Variants in SGSM1 observed in about 807,000 individuals in gnomAD.
The protein encoded by SGSM1 is small G protein signaling modulator 1.
SGSM1 carries 73 observed loss-of-function variants against 133.8 expected under a neutral mutation model. The observed-to-expected ratio is 0.55, with a 90% CI of 0.45 to 0.66. The LOEUF is 0.66. Ranked by LOEUF, SGSM1 falls within the 30% of genes least tolerant of loss-of-function variation. SGSM1 has a pLI of 0.00. For synonymous variants in SGSM1, 563 were observed against 573.0 expected (o/e 0.98, Z 0.25); for missense variants, 1,213 against 1,448.1 (o/e 0.84, Z 2.64).
chr22:24,895,238 A>C lies in SGSM1; in HGVS notation c.1969A>C (p.Ser657Arg). Residue 657 changes from serine (S) to arginine (R), a missense_variant, in exon 18 of 25, where the codon AGT (serine) becomes CGT (arginine). Ser to Arg is a moderately radical substitution (Grantham distance 110, BLOSUM62 -1). Transcript: ENST00000400358. ...TISNESSQSC[S>R]SGRQNIRLHS... is the part of the protein sequence containing the mutation. ...CTTTTCTCAGTCCTCCCAGAGCTGC[A>C]GTTCGGGCCGCCAGAACATCCGCCT... 2.5e-6 allele frequency: 4 copies of C among 1,611,328 alleles called. No homozygotes were observed. Among genetic ancestry groups the C allele is most frequent in the Non-Finnish European group, 3.4e-6 (4 of 1,179,016 alleles).
rs375379217 is a variant in SGSM1 at position 24,917,645 on chromosome 22, C to T, written c.2929-13C>T. On this transcript the variant is annotated splice_polypyrimidine_tract_variant and intron_variant, in intron 22 of 24. Coordinates refer to ENST00000400358, the MANE Select transcript of SGSM1 (RefSeq NM_001098497.3). ...TTCCCAGGAGGCTGATGCTGCCTTT[C>T]CTTCCTTGACAGATCCTGGACTCAG... 160 of 1,608,914 alleles carry T rather than the reference C, an allele frequency of 9.9e-5. No individual in the cohort carries two copies. In the African/African-American group the frequency reaches 2.1e-3, roughly 21 times the overall value.
chr22:24,896,615 T>G (rs1000632056), intron 18 of SGSM1, among the ~76,000 whole-genome samples: 11 of 147,546 alleles, frequency 7.5e-5, no homozygotes, highest in African/African-American at 3.0e-4. Flanking sequence ...TTTTTTTATT[T>G]TTTGTTTTTT....
At chr22:24,922,125 A>T (rs1183056711) in intron 24 of SGSM1, among the ~76,000 whole-genome samples, 1 of 151,262 alleles carries the variant, frequency 6.6e-6, no homozygotes, top group Non-Finnish European at 1.5e-5. Context: ...ATCAGATTGG[A>T]CACCACCTCT....
At chr22:24,923,458 T>G (rs9624665) in intron 24 of SGSM1, among the ~76,000 whole-genome samples, 20,286 of 152,150 alleles carry the variant, frequency 0.13, 1,811 homozygotes, top group South Asian at 0.19. Context: ...GATAAAATTA[T>G]TTTTTTCTTT....
chr22:24,905,205 GC>G lies in SGSM1; in HGVS notation c.2818+21del, dbSNP rs781033205. 4.3e-6 allele frequency: 7 copies of G among 1,610,888 alleles called. No individual in the cohort carries two copies. The South Asian group carries it at 7.7e-5, about 18-fold the overall frequency. On this transcript the variant is annotated intron_variant, in intron 21 of 24. Coordinates refer to ENST00000400358, the MANE Select transcript of SGSM1 (RefSeq NM_001098497.3). ...GGATGATGGTGAGTGTGTCTTTACT[GC>G]CCTAGGGCTGAGGGTGCATTTCCTT...
intron 9 of SGSM1, among the ~76,000 whole-genome samples, chr22:24,864,477 G>T (rs1222348950): frequency 6.6e-6 from 1 of 152,162 alleles, no homozygotes; most frequent in Non-Finnish European, 1.5e-5. Flanking sequence ...CCATGCAACA[G>T]AATATTACTT....
chr22:24,855,582 G>A lies in SGSM1; in HGVS notation c.703G>A (p.Asp235Asn). The change falls in exon 8 of 25, where the codon GAC becomes AAC. Residue 235 changes from aspartate (D) to asparagine (N), a missense_variant. Coordinates refer to ENST00000400358, the MANE Select transcript of SGSM1 (RefSeq NM_001098497.3). Reference protein sequence around the residue: ...QKRHSSGSMDDRPSLSARDYV... With the variant: ...QKRHSSGSMDNRPSLSARDYV... ...GAGGCATTCCAGTGGCAGCATGGAT[G>A]ACCGGCCATCCCTCTCTGCCCGCGA... 6.2e-7 allele frequency: 1 copy of A among 1,613,900 alleles called. No individual in the cohort carries two copies. Among genetic ancestry groups the A allele is most frequent in the Non-Finnish European group, 8.5e-7 (1 of 1,179,866 alleles).
At chr22:24,900,181 T>G (rs1319185342) in intron 19 of SGSM1, among the ~76,000 whole-genome samples, 1 of 151,906 alleles carries the variant, frequency 6.6e-6, no homozygotes, top group South Asian at 2.1e-4. Flanking sequence ...CCACCATGCC[T>G]GGCTAATTTT....
At chr22:24,839,713 TTG>T (rs1929674488) in intron 2 of SGSM1, among the ~76,000 whole-genome samples, 1 of 152,200 alleles carries the variant, frequency 6.6e-6, no homozygotes, top group African/African-American at 2.4e-5. Context: ...AGTTTGTATA[TTG>T]TGTGTTTCTA....
intron 5 of SGSM1, among the ~76,000 whole-genome samples, chr22:24,851,366 A>G (rs1930456939): frequency 6.9e-6 from 1 of 145,492 alleles, no homozygotes; most frequent in Non-Finnish European, 1.5e-5. Flanking sequence ...GGAGCCATGG[A>G]AGAATTTATC....
chr22:24,876,687 A>G lies in SGSM1; in HGVS notation c.1402A>G (p.Ser468Gly), dbSNP rs770099281. 2.5e-6 allele frequency: 4 copies of G among 1,613,894 alleles called. No homozygotes were observed. Among genetic ancestry groups the G allele is most frequent in the Admixed American group, 3.3e-5 (2 of 59,994 alleles). The change falls in exon 13 of 25, where the codon AGC becomes GGC. Residue 468 changes from serine to glycine, a missense_variant. Physicochemically the swap from Ser to Gly is moderately conservative, Grantham distance 56. Transcript: ENST00000400358. Reference protein sequence around the residue: ...SCSQSGSADGSSTNGCNHERA... With the variant: ...SCSQSGSADGGSTNGCNHERA... Reference sequence around the variant, plus strand: ...TTCACAGAGTGGCTCGGCTGATGGTAGCTCGACCAATGGCTGCAACCATGA... The same window carrying G: ...TTCACAGAGTGGCTCGGCTGATGGTGGCTCGACCAATGGCTGCAACCATGA...
At chr22:24,893,961 C>T (rs1601964306) in intron 17 of SGSM1, among the ~76,000 whole-genome samples, 2 of 152,318 alleles carry the variant, frequency 1.3e-5, no homozygotes, top group Non-Finnish European at 2.9e-5. Context: ...ATTGATTCAA[C>T]AAATGCTTAT....
chr22:24,860,100 GGGAGAC>G (rs1476830700), intron 9 of SGSM1, among the ~76,000 whole-genome samples: 1 of 152,138 alleles, frequency 6.6e-6, no homozygotes, highest in African/African-American at 2.4e-5. Flanking sequence ...ACCATCCAGA[GGGAGAC>G]ATCTTTATAG....
intron 21 of SGSM1, 51 bp from the exon 22 acceptor site, chr22:24,912,591 AC>A (rs1320857286): frequency 1.6e-6 from 2 of 1,213,858 alleles, no homozygotes; most frequent in African/African-American, 3.0e-5. Flanking sequence ...AAACATCTGA[AC>A]CATATCACTT....
At chr22:24,811,222 GC>G (rs1357509809) in intron 2 of SGSM1, among the ~76,000 whole-genome samples, 1 of 152,070 alleles carries the variant, frequency 6.6e-6, no homozygotes, top group Non-Finnish European at 1.5e-5. Flanking sequence ...CACCCCCTCA[GC>G]CCACCACCAC....
chr22:24,837,588 C>T (rs959845331), intron 2 of SGSM1, among the ~76,000 whole-genome samples: 1 of 139,280 alleles, frequency 7.2e-6, no homozygotes, highest in Non-Finnish European at 1.5e-5. Context: ...ACCCCCCCCC[C>T]CCCTTTCCCA....
intron 10 of SGSM1, 124 bp from the exon 11 acceptor site, chr22:24,868,252 G>C (rs1931565913): frequency 1.5e-6 from 2 of 1,349,148 alleles, no homozygotes; most frequent in Admixed American, 5.5e-5. Context: ...GACTTTCCCA[G>C]AGCCTCAGAG....
intron 22 of SGSM1, among the ~76,000 whole-genome samples, chr22:24,913,107 C>T (rs889959836): frequency 1.3e-5 from 2 of 151,814 alleles, no homozygotes; most frequent in Non-Finnish European, 2.9e-5. Context: ...ATTACTAACA[C>T]GGTGAAACCC....
At chr22:24,919,302 G>A (rs1173517759) in intron 23 of SGSM1, among the ~76,000 whole-genome samples, 2 of 151,454 alleles carry the variant, frequency 1.3e-5, no homozygotes, top group Admixed American at 6.6e-5. Flanking sequence ...CACCCGCCTC[G>A]GCCTCCCAAA....
Sources: allele counts gnomAD v4.1 joint callset (sites outside exome capture counted in the v4.1 genomes callset), GRCh38; gene constraint gnomAD v4.1.1; transcripts MANE v1.5; gene names NCBI Gene and HGNC (gene_info 2026-07-23, HGNC 2026-07-21).